The following BMPR1B variants were observed in gnomAD, a reference collection of about 807,000 sequenced individuals.
BMPR1B encodes bone morphogenetic protein receptor type-1B.
Under a neutral mutation model 59.1 loss-of-function variants are expected in BMPR1B, and 12 were observed. That is an observed-to-expected ratio of 0.20 (90% CI 0.13 to 0.33). The LOEUF (loss-of-function observed/expected upper bound fraction) is 0.33, where lower values mean the gene tolerates loss of function less well. Among genes scored for constraint, BMPR1B ranks in the 10% least tolerant of loss-of-function variants. The pLI is 1.00. For missense variants in BMPR1B, 550 were observed against 610.9 expected, an observed-to-expected ratio of 0.90 and a Z score of 1.05; for synonymous variants, 237 against 207.3, an observed-to-expected ratio of 1.14 and a Z score of -1.23.
chr4:94,878,392 G>T (rs762249158), intron 2 of BMPR1B, among the ~76,000 whole-genome samples: 2 of 152,188 alleles, frequency 1.3e-5, no homozygotes, highest in Non-Finnish European at 2.9e-5. Context: ...AGCAGAGGAC[G>T]TTATTTTTAT....
chr4:94,874,601 A>C (rs1726642126), intron 1 of BMPR1B, among the ~76,000 whole-genome samples: 1 of 152,224 alleles, frequency 6.6e-6, no homozygotes, highest in African/African-American at 2.4e-5. Flanking sequence ...GGCTGTAGAA[A>C]TCTGATTATC....
Position 95,154,799 on chromosome 4 carries a change from G to C in BMPR1B, c.*126G>C. On this transcript the variant is annotated 3_prime_UTR_variant, in exon 13 of 13. Coordinates refer to ENST00000515059, the MANE Select transcript of BMPR1B (RefSeq NM_001203.3). The stretch of plus-strand genomic sequence containing the variant: ...TGAACATCGTCCTGCTTCCCAGTGG[G>C]TTCAGACCTCACCTCTCAGGGAGCG... 7.1e-7 allele frequency: 1 copy of C among 1,404,802 alleles called. No homozygotes were observed. Among genetic ancestry groups the C allele is most frequent in the Non-Finnish European group, 9.9e-7 (1 of 1,007,966 alleles). The allele number at this position is 1,404,802 out of a possible 1,614,324, so 87.0% of individuals were successfully genotyped here.
At chr4:95,073,694 C>T (rs558339783) in intron 3 of BMPR1B, among the ~76,000 whole-genome samples, 26 of 152,128 alleles carry the variant, frequency 1.7e-4, no homozygotes, top group Non-Finnish European at 3.5e-4. Flanking sequence ...TGATTTGAGC[C>T]TTTCAATAAA....
intron 10 of BMPR1B, among the ~76,000 whole-genome samples, chr4:95,133,384 C>T (rs1275936199): frequency 6.6e-6 from 1 of 152,024 alleles, no homozygotes; most frequent in Non-Finnish European, 1.5e-5. Flanking sequence ...CTTTTCTGAC[C>T]CTGGGCTATT....
At chr4:94,762,582 A>G (rs1307978052) in intron 1 of BMPR1B, among the ~76,000 whole-genome samples, 1 of 152,212 alleles carries the variant, frequency 6.6e-6, no homozygotes, top group Non-Finnish European at 1.5e-5. Flanking sequence ...ATGAGGTCAG[A>G]GAGGTGGCGA....
chr4:94,892,826 A>G (rs1302452367), intron 2 of BMPR1B, among the ~76,000 whole-genome samples: 1 of 152,074 alleles, frequency 6.6e-6, no homozygotes, highest in Admixed American at 6.6e-5. Context: ...TTCCAACTCA[A>G]GTTTTGTATA....
intron 1 of BMPR1B, among the ~76,000 whole-genome samples, chr4:94,854,383 A>G (rs1725675899): frequency 6.6e-6 from 1 of 152,188 alleles, no homozygotes; most frequent in Non-Finnish European, 1.5e-5. Context: ...TAGCACCACT[A>G]TGAACAGCAT....
At chr4:94,950,244 C>T (rs1297403082) in intron 2 of BMPR1B, among the ~76,000 whole-genome samples, 2 of 152,054 alleles carry the variant, frequency 1.3e-5, no homozygotes, top group Non-Finnish European at 1.5e-5. Context: ...GTTGCCTGTT[C>T]ACTCTGATGA....
chr4:94,971,835 G>A (rs1319386804), intron 2 of BMPR1B, among the ~76,000 whole-genome samples: 1 of 151,642 alleles, frequency 6.6e-6, no homozygotes, highest in Non-Finnish European at 1.5e-5. Flanking sequence ...ACTAATATAG[G>A]TAGTTTCTCT....
rs146728200 is a variant in BMPR1B at position 95,108,163 on chromosome 4, T to C, written c.143+3596T>C. Among the ~76,000 whole-genome samples, 151 of 152,192 alleles carry C rather than the reference T, an allele frequency of 9.9e-4. 1 individual carries two copies. The highest frequency in any genetic ancestry group is 3.2e-3 in the African/African-American group (134 of 41,550). On this transcript the variant is annotated intron_variant, in intron 4 of 12. Transcript: ENST00000515059. ...GCCTAATATTTACCTTCAACAGACA[T>C]AAATTTGTTCCTTTAGATTGCTATA...
chr4:95,153,355 ACTC>A (rs1197443575), intron 12 of BMPR1B, among the ~76,000 whole-genome samples: 1 of 151,028 alleles, frequency 6.6e-6, no homozygotes, highest in Admixed American at 6.6e-5. Context: ...GCCTTTCCTG[ACTC>A]CTCCTCCTGT....
chr4:95,077,712 G>A (rs1203286570), intron 3 of BMPR1B, among the ~76,000 whole-genome samples: 1 of 152,038 alleles, frequency 6.6e-6, no homozygotes, highest in Non-Finnish European at 1.5e-5. Context: ...AAGAACTGAG[G>A]TAAATTATTA....
intron 2 of BMPR1B, among the ~76,000 whole-genome samples, chr4:94,928,872 G>GTTATA (rs1470100426): frequency 2.6e-5 from 4 of 151,848 alleles, no homozygotes; most frequent in Non-Finnish European, 5.9e-5. Flanking sequence ...CTATTTTGAT[G>GTTATA]TTATATTTGT....
At chr4:94,976,498 A>T (rs1256532371) in intron 2 of BMPR1B, among the ~76,000 whole-genome samples, 2 of 152,174 alleles carry the variant, frequency 1.3e-5, no homozygotes, top group African/African-American at 4.8e-5. Flanking sequence ...GCTCTCCTAC[A>T]TGCAAAATAC....
chr4:94,839,683 C>T (rs373267593), intron 1 of BMPR1B, among the ~76,000 whole-genome samples: 19,252 of 136,300 alleles, frequency 0.14, 1,725 homozygotes, highest in South Asian at 0.18. Context: ...TTCCTGAATG[C>T]AGCACACTGA....
intron 1 of BMPR1B, among the ~76,000 whole-genome samples, chr4:94,793,921 C>G (rs1357092888): frequency 2.0e-5 from 3 of 149,348 alleles, no homozygotes. Context: ...GATATTAGCC[C>G]TTTGTCAGAT....
At chr4:94,831,563 C>T (rs1724591186) in intron 1 of BMPR1B, among the ~76,000 whole-genome samples, 1 of 152,124 alleles carries the variant, frequency 6.6e-6, no homozygotes, top group South Asian at 2.1e-4. Context: ...GGTAAGTGCC[C>T]TGTACAAGTG....
chr4:94,866,362 A>G (rs552073037), intron 1 of BMPR1B, among the ~76,000 whole-genome samples: 21 of 152,198 alleles, frequency 1.4e-4, no homozygotes, highest in African/African-American at 5.1e-4. Context: ...TCACAGTGTA[A>G]GGATCTTCCC....
Position 95,154,798 on chromosome 4 carries a change from G to C in BMPR1B, c.*125G>C. 3 of 1,408,024 alleles carry C rather than the reference G, an allele frequency of 2.1e-6. No individual in the cohort carries two copies. Among genetic ancestry groups the C allele is most frequent in the Non-Finnish European group, 3.0e-6 (3 of 1,010,394 alleles). The allele number at this position is 1,408,024 out of a possible 1,614,324, so 87.2% of individuals were successfully genotyped here. A position where few individuals can be genotyped will look rare whatever the true frequency, so the allele number is the denominator to read the frequency against. ...TTGAACATCGTCCTGCTTCCCAGTGGGTTCAGACCTCACCTCTCAGGGAGC... is the reference window on the plus strand; with the variant it reads ...TTGAACATCGTCCTGCTTCCCAGTGCGTTCAGACCTCACCTCTCAGGGAGC... On this transcript the variant is annotated 3_prime_UTR_variant, in exon 13 of 13. Transcript: ENST00000515059.
Sources: allele counts gnomAD v4.1 joint callset (sites outside exome capture counted in the v4.1 genomes callset), GRCh38; gene constraint gnomAD v4.1.1; transcripts MANE v1.5; gene names NCBI Gene and HGNC (gene_info 2026-07-23, HGNC 2026-07-21).